KDM4C: variants seen among roughly 807,000 people sequenced by gnomAD.
The protein encoded by KDM4C is lysine demethylase 4C, also known as lysine-specific demethylase 4C.
A neutral mutation model predicts 129.3 loss-of-function variants in KDM4C; 81 were observed. That is an observed-to-expected ratio of 0.63 (90% CI 0.52 to 0.75). The LOEUF (loss-of-function observed/expected upper bound fraction) is 0.75. KDM4C is among the 30% of genes least tolerant of loss of function. The probability of loss-of-function intolerance (pLI) is 0.00; values close to 1 mark genes in which losing one functional copy is unlikely to be tolerated. For missense variants in KDM4C, 1,457 were observed against 1,304.0 expected (o/e 1.12, Z -1.81); for synonymous variants, 573 against 456.1 (o/e 1.26, Z -3.26).
At chr9:7,014,218 G>T (rs1823226482) in intron 14 of KDM4C, 4 of 448,138 alleles carry the variant, frequency 8.9e-6, no homozygotes, top group South Asian at 4.3e-5. Context: ...AGCAGGTCTG[G>T]TTTTTTTTGT....
intron 1 of KDM4C, among the ~76,000 whole-genome samples, chr9:6,735,584 C>T (rs577417729): frequency 6.6e-6 from 1 of 152,202 alleles, no homozygotes; most frequent in African/African-American, 2.4e-5. Context: ...TTTCCCTGCA[C>T]AAGCCCTCTC....
chr9:6,800,074 A>C (rs931316874), intron 2 of KDM4C, among the ~76,000 whole-genome samples: 1 of 152,066 alleles, frequency 6.6e-6, no homozygotes, highest in Non-Finnish European at 1.5e-5. Context: ...AAAAAAATAA[A>C]TAAATAAAAA....
rs563967825 is a variant in KDM4C at position 7,007,895 on chromosome 9, A to T, written c.1787-3803A>T. Among the ~76,000 whole-genome samples, 4 of 152,244 alleles carry T rather than the reference A, an allele frequency of 2.6e-5. No individual in the cohort carries two copies. The South Asian group carries it at 8.3e-4, about 32-fold the overall frequency. On this transcript the variant is annotated intron_variant, in intron 12 of 21. Transcript: ENST00000381309. Reference sequence around the variant, plus strand: ...TAATGATTTTCCCAACCCATAAAAAATAATTAGAAACATCAGCAAGACAGT... The same window carrying T: ...TAATGATTTTCCCAACCCATAAAAATTAATTAGAAACATCAGCAAGACAGT...
chr9:7,125,111 C>T (rs1839899853), intron 18 of KDM4C, among the ~76,000 whole-genome samples: 1 of 152,134 alleles, frequency 6.6e-6, no homozygotes, highest in Non-Finnish European at 1.5e-5. Flanking sequence ...AAGAACTGTT[C>T]TCCCCCACCC....
At chr9:6,922,185 C>G (rs963915620) in intron 8 of KDM4C, among the ~76,000 whole-genome samples, 4 of 152,240 alleles carry the variant, frequency 2.6e-5, no homozygotes, top group African/African-American at 9.6e-5. Context: ...TTAGCCCAAT[C>G]TTAGCTGCTG....
chr9:7,045,038 G>T (rs1829192157), intron 15 of KDM4C, among the ~76,000 whole-genome samples: 1 of 151,964 alleles, frequency 6.6e-6, no homozygotes, highest in South Asian at 2.1e-4. Flanking sequence ...ACTTGGAGGG[G>T]AGGCTAGGAA....
At chr9:6,950,117 A>C (rs1364354638) in intron 8 of KDM4C, among the ~76,000 whole-genome samples, 3 of 147,536 alleles carry the variant, frequency 2.0e-5, no homozygotes, top group African/African-American at 7.5e-5. Context: ...TATAGTGGAC[A>C]AATAAAAATG....
chr9:7,153,681 T>A (rs1842913137), intron 19 of KDM4C, among the ~76,000 whole-genome samples: 2 of 152,176 alleles, frequency 1.3e-5, no homozygotes, highest in African/African-American at 2.4e-5. Context: ...AAACTAGCGG[T>A]TACTTATCAG....
chr9:6,742,520 G>T (rs1817734597), intron 1 of KDM4C, among the ~76,000 whole-genome samples: 1 of 149,680 alleles, frequency 6.7e-6, no homozygotes, highest in African/African-American at 2.5e-5. Flanking sequence ...ATTGTCTTTT[G>T]CCAAAATTTA....
chr9:6,926,505 A>G (rs1822590100), intron 8 of KDM4C, among the ~76,000 whole-genome samples: 1 of 152,196 alleles, frequency 6.6e-6, no homozygotes. Flanking sequence ...TGATTGGCTT[A>G]TAGCAGCAAG....
chr9:6,981,866 T>A (rs560982331), intron 9 of KDM4C: 1 of 280,068 alleles, frequency 3.6e-6, no homozygotes, highest in Non-Finnish European at 8.5e-6. Flanking sequence ...ATTTGTGCAT[T>A]GGAGGAAATT....
At chr9:6,872,447 C>G (rs981260998) in intron 5 of KDM4C, among the ~76,000 whole-genome samples, 2 of 152,184 alleles carry the variant, frequency 1.3e-5, no homozygotes, top group African/African-American at 2.4e-5. Flanking sequence ...TCTCGTTTAT[C>G]TGTCTAATAT....
chr9:6,834,400 C>T (rs1040352329), intron 4 of KDM4C: 2 of 388,652 alleles, frequency 5.1e-6, no homozygotes, highest in Non-Finnish European at 1.0e-5. Context: ...GCCCCGTGAG[C>T]ACAGACCCTG....
chr9:6,788,394 T>G (rs766362313), intron 1 of KDM4C, among the ~76,000 whole-genome samples: 2 of 152,200 alleles, frequency 1.3e-5, no homozygotes, highest in Non-Finnish European at 2.9e-5. Flanking sequence ...CTGTCGAAGA[T>G]GAACACTGCC....
chr9:7,059,843 TTTG>T (rs1421207158), intron 17 of KDM4C, among the ~76,000 whole-genome samples: 7 of 152,280 alleles, frequency 4.6e-5, no homozygotes, highest in African/African-American at 1.4e-4. Context: ...ATGTAATGGG[TTTG>T]TTATTTTTAA....
chr9:6,911,942 C>G (rs558175994), intron 8 of KDM4C, among the ~76,000 whole-genome samples: 2 of 152,222 alleles, frequency 1.3e-5, no homozygotes, highest in East Asian at 3.9e-4. Context: ...CAGGGTTGCT[C>G]CCCTACTTTT....
At chr9:6,926,286 A>G (rs967529818) in intron 8 of KDM4C, among the ~76,000 whole-genome samples, 17 of 149,318 alleles carry the variant, frequency 1.1e-4, no homozygotes, top group African/African-American at 3.9e-4. Flanking sequence ...CTGAGGTAAT[A>G]TAAGGCGTTT....
intron 8 of KDM4C, among the ~76,000 whole-genome samples, chr9:6,940,903 A>G (rs1825820745): frequency 6.6e-6 from 1 of 152,160 alleles, no homozygotes; most frequent in South Asian, 2.1e-4. Flanking sequence ...AAAAAAACGT[A>G]TCATTCTTTT....
intron 2 of KDM4C, among the ~76,000 whole-genome samples, chr9:6,796,899 A>G (rs1334051374): frequency 6.6e-6 from 1 of 152,198 alleles, no homozygotes; most frequent in Non-Finnish European, 1.5e-5. Flanking sequence ...AAATCATATT[A>G]TAAAAATCAA....
Sources: allele counts gnomAD v4.1 joint callset (sites outside exome capture counted in the v4.1 genomes callset), GRCh38; gene constraint gnomAD v4.1.1; transcripts MANE v1.5; gene names NCBI Gene and HGNC (gene_info 2026-07-23, HGNC 2026-07-21).